Variants in HIP1 observed in about 807,000 individuals in gnomAD.
The protein encoded by HIP1 is huntingtin-interacting protein 1.
In HIP1, 65 loss-of-function variants were observed where a neutral mutation model predicts 147.6. That is an observed-to-expected ratio of 0.44 (90% CI 0.36 to 0.54). HIP1 has a LOEUF of 0.54. Among genes scored for constraint, HIP1 ranks in the 20% least tolerant of loss-of-function variants. HIP1 has a pLI of 0.00. For missense variants in HIP1, 1,061 were observed against 1,299.6 expected, an observed-to-expected ratio of 0.82 and a Z score of 2.82; for synonymous variants, 479 against 504.0, an observed-to-expected ratio of 0.95 and a Z score of 0.67.
chr7:75,698,944 TTCTC>T (rs80237141), intron 1 of HIP1, among the ~76,000 whole-genome samples: 36 of 152,152 alleles, frequency 2.4e-4, no homozygotes, highest in Non-Finnish European at 4.6e-4. Flanking sequence ...CAATTAGTGG[TTCTC>T]TCTCTCTTAG....
intron 8 of HIP1, among the ~76,000 whole-genome samples, chr7:75,571,181 C>G (rs1272048564): frequency 1.3e-5 from 2 of 152,082 alleles, no homozygotes; most frequent in African/African-American, 4.8e-5. Flanking sequence ...ACTCCCTCAG[C>G]CTCCAGAGTA....
At chr7:75,706,669 A>G (rs1437392763) in intron 1 of HIP1, among the ~76,000 whole-genome samples, 6 of 114,276 alleles carry the variant, frequency 5.3e-5, no homozygotes, top group Non-Finnish European at 1.0e-4. Context: ...TTTAGGGTAC[A>G]TGTGCACATT....
chr7:75,689,021 C>T (rs1159670841), intron 1 of HIP1, among the ~76,000 whole-genome samples: 19 of 152,186 alleles, frequency 1.2e-4, no homozygotes, highest in Admixed American at 9.2e-4. Context: ...ACAGAGTGTA[C>T]GCCCAAAGAG....
intron 1 of HIP1, among the ~76,000 whole-genome samples, chr7:75,655,146 G>C (rs546730929): frequency 6.6e-6 from 1 of 152,314 alleles, no homozygotes; most frequent in Admixed American, 6.5e-5. Flanking sequence ...GGACAGCCCA[G>C]GTGTCCATCA....
chr7:75,645,367 T>C (rs1020357264), intron 1 of HIP1, among the ~76,000 whole-genome samples: 6 of 151,896 alleles, frequency 4.0e-5, no homozygotes, highest in Non-Finnish European at 2.9e-5. Flanking sequence ...GCTGGGATTA[T>C]AGGCATGCAC....
At chr7:75,580,371 G>A (rs1290775307) in intron 7 of HIP1, among the ~76,000 whole-genome samples, 3 of 152,234 alleles carry the variant, frequency 2.0e-5, no homozygotes, top group East Asian at 1.9e-4. Context: ...GGAGGCCTGC[G>A]CTTCAGGAGA....
intron 21 of HIP1, among the ~76,000 whole-genome samples, chr7:75,553,886 C>T (rs587670270): frequency 6.6e-6 from 1 of 152,010 alleles, no homozygotes; most frequent in Non-Finnish European, 1.5e-5. Context: ...CGATTACAGG[C>T]GTGAACCATT....
chr7:75,575,414 G>A (rs1241821588), intron 7 of HIP1, among the ~76,000 whole-genome samples: 2 of 149,200 alleles, frequency 1.3e-5, no homozygotes, highest in African/African-American at 2.5e-5. Flanking sequence ...GAGCTGAGAC[G>A]GTGCCACTGC....
Position 75,591,977 on chromosome 7 carries a change from C to T in HIP1, c.384+79G>A. The T allele has an allele frequency of 3.5e-6, 4 of 1,136,120 alleles. No individual in the cohort carries two copies. The South Asian group carries it at 3.7e-5, about 10-fold the overall frequency. 70.4% of individuals were successfully genotyped at this position (1,136,120 alleles called of 1,614,324 possible). ...CAAGCTGAAGGAGATGAATTTATTT[C>T]ACCCTCCAGTCCTTGCTCTGTGGCC... On this transcript the variant is annotated intron_variant, in intron 4 of 30. Transcript: ENST00000336926.
intron 1 of HIP1, among the ~76,000 whole-genome samples, chr7:75,675,540 T>G (rs920525891): frequency 3.9e-5 from 6 of 152,072 alleles, no homozygotes; most frequent in South Asian, 4.1e-4. Context: ...TATTTTTCAA[T>G]TCTGTCATTT....
intron 1 of HIP1, among the ~76,000 whole-genome samples, chr7:75,615,802 A>G (rs1797633189): frequency 2.0e-5 from 3 of 151,110 alleles, no homozygotes; most frequent in Admixed American, 2.0e-4. Flanking sequence ...CAAACAAAAA[A>G]TGGCCAGGCG....
intron 1 of HIP1, among the ~76,000 whole-genome samples, chr7:75,644,536 C>G (rs1167987919): frequency 3.9e-5 from 6 of 152,126 alleles, no homozygotes; most frequent in Non-Finnish European, 8.8e-5. Context: ...CTCAGGTGAT[C>G]CGCCTGCCTC....
chr7:75,534,152 C>G lies in HIP1; in HGVS notation c.*4020G>C. 1 of 230,056 alleles carries G rather than the reference C, an allele frequency of 4.3e-6. No individual in the cohort carries two copies. The highest frequency in any genetic ancestry group is 8.6e-6 in the Non-Finnish European group (1 of 116,070). The allele number at this position is 230,056 out of a possible 1,614,324, so 14.3% of individuals were successfully genotyped here. ...CACAGGGTCGAGGGGCCAAAGCCAA[C>G]TAATCTGACCGGAGCGACATGTACC... is the stretch of plus-strand genomic sequence containing the variant. On this transcript the variant is annotated 3_prime_UTR_variant, in exon 31 of 31. Transcript: ENST00000336926.
At chr7:75,656,319 G>A (rs1251098784) in intron 1 of HIP1, among the ~76,000 whole-genome samples, 1 of 151,366 alleles carries the variant, frequency 6.6e-6, no homozygotes, top group Non-Finnish European at 1.5e-5. Context: ...AATTAGTAGG[G>A]AAAGGGCAGG....
At chr7:75,692,150 A>G (rs782628467) in intron 1 of HIP1, among the ~76,000 whole-genome samples, 4 of 152,202 alleles carry the variant, frequency 2.6e-5, no homozygotes, top group Admixed American at 2.6e-4. Context: ...CCCCGTCCCA[A>G]TTCCACTCCC....
At chr7:75,574,589 C>CAA (rs67839568) in intron 7 of HIP1, among the ~76,000 whole-genome samples, 53 of 108,580 alleles carry the variant, frequency 4.9e-4, no homozygotes, top group South Asian at 1.2e-3. Flanking sequence ...GACACCATCT[C>CAA]AAAAAAAAAA....
chr7:75,565,906 G>T (rs1795386383), intron 9 of HIP1, among the ~76,000 whole-genome samples: 1 of 146,452 alleles, frequency 6.8e-6, no homozygotes, highest in Non-Finnish European at 1.5e-5. Context: ...TAGAGACAGG[G>T]TTTCATCATG....
At chr7:75,563,303 C>A (rs377615961) in intron 9 of HIP1, 40 bp from the exon 10 acceptor site, 2 of 1,583,636 alleles carry the variant, frequency 1.3e-6, no homozygotes, top group South Asian at 1.1e-5. Context: ...TGGGTGTCTT[C>A]ATCAGCCCCA....
intron 13 of HIP1, among the ~76,000 whole-genome samples, chr7:75,560,931 C>G (rs1243938846): frequency 6.7e-6 from 1 of 149,472 alleles, no homozygotes; most frequent in Non-Finnish European, 1.5e-5. Flanking sequence ...GGATGTGGTC[C>G]AAAAACTGTC....
Sources: allele counts gnomAD v4.1 joint callset (sites outside exome capture counted in the v4.1 genomes callset), GRCh38; gene constraint gnomAD v4.1.1; transcripts MANE v1.5; gene names NCBI Gene and HGNC (gene_info 2026-07-23, HGNC 2026-07-21).